The following COG4 variants were observed in gnomAD, a reference collection of about 807,000 sequenced individuals.
COG4 encodes the protein component of oligomeric golgi complex 4.
In COG4, 65 loss-of-function variants were observed where a neutral mutation model predicts 95.1. The ratio of observed to expected loss-of-function variants is 0.68; its 90% CI spans 0.56 to 0.84. The LOEUF is 0.84. Ranked by LOEUF, COG4 falls within the 40% of genes least tolerant of loss-of-function variation. The pLI, the probability that COG4 is intolerant of heterozygous loss-of-function variation, is 0.00. For synonymous variants in COG4, 421 were observed against 374.8 expected, an observed-to-expected ratio of 1.12 and a Z score of -1.42; for missense variants, 1,045 against 989.1, an observed-to-expected ratio of 1.06 and a Z score of -0.76.
chr16:70,510,888 C>T lies in COG4; in HGVS notation c.739-867G>A, dbSNP rs191582734. ...AAGCGATTCTCCTGTCTCAGCTTCC[C>T]GAGTGGTTGGGCTTACAGGCACCCG... On this transcript the variant is annotated intron_variant, in intron 5 of 18. Coordinates refer to ENST00000323786, the MANE Select transcript of COG4 (RefSeq NM_015386.3). Among the ~76,000 whole-genome samples, 50 of 151,610 alleles carry T rather than the reference C, an allele frequency of 3.3e-4. No homozygotes were observed. The East Asian group carries it at 8.2e-3, about 25-fold the overall frequency.
At chr16:70,508,926 A>G (rs911810695) in intron 7 of COG4, 7 of 541,582 alleles carry the variant, frequency 1.3e-5, no homozygotes, top group African/African-American at 5.7e-5. Flanking sequence ...AATTGTCATT[A>G]TATCATTAGA....
At chr16:70,521,833 C>G (rs1014442398) in intron 1 of COG4, among the ~76,000 whole-genome samples, 2 of 151,238 alleles carry the variant, frequency 1.3e-5, no homozygotes, top group Non-Finnish European at 1.5e-5. Flanking sequence ...TCCCGAGTAG[C>G]TGGGACTACA....
intron 3 of COG4, 93 bp from the exon 4 acceptor site, chr16:70,514,602 AC>A: frequency 9.7e-7 from 1 of 1,035,516 alleles, no homozygotes; most frequent in Non-Finnish European, 1.5e-6. Flanking sequence ...AATCTGATCA[AC>A]CATATGTCAA....
chr16:70,483,992 G>T (rs775550279), intron 13 of COG4, 23 bp from the exon 14 acceptor site: 1 of 1,561,386 alleles, frequency 6.4e-7, no homozygotes, highest in East Asian at 2.2e-5. Flanking sequence ...ACTGCTGTAA[G>T]ACCACCGAGC....
chr16:70,484,426 TC>T (rs557731610), intron 13 of COG4, among the ~76,000 whole-genome samples: 76 of 152,270 alleles, frequency 5.0e-4, no homozygotes, highest in Middle Eastern at 6.8e-3. Flanking sequence ...GTTCCTCCTT[TC>T]CCCCCCTTTT....
intron 13 of COG4, among the ~76,000 whole-genome samples, chr16:70,485,640 C>A (rs1030130167): frequency 6.8e-6 from 1 of 146,140 alleles, no homozygotes; most frequent in Non-Finnish European, 1.5e-5. Flanking sequence ...GGCTGGAGTG[C>A]AACGACATGA....
At chr16:70,484,397 A>G (rs988129272) in intron 13 of COG4, among the ~76,000 whole-genome samples, 3 of 152,216 alleles carry the variant, frequency 2.0e-5, no homozygotes, top group African/African-American at 2.4e-5. Flanking sequence ...CACAGGAGAC[A>G]CTAGCTATTA....
chr16:70,481,406 TGTCTC>T lies in COG4; in HGVS notation c.2183_2187del (p.Arg728GlnfsTer39), dbSNP rs1417814966. ...GCCATCTGGGAGAGCCGGGCAAACT[TGTCTC>T]GGATGGTCCAGGTGGTCACCGTGGT... On this transcript the variant is annotated frameshift_variant, in exon 18 of 19. Transcript: ENST00000323786. LOFTEE classifies it high-confidence loss of function. 2.5e-6 allele frequency: 4 copies of T among 1,613,208 alleles called. No individual in the cohort carries two copies. Among genetic ancestry groups the T allele is most frequent in the Non-Finnish European group, 1.7e-6 (2 of 1,179,964 alleles).
At chr16:70,496,517 G>T (rs1241090539) in intron 11 of COG4, 86 bp from the exon 12 acceptor site, 3 of 1,344,578 alleles carry the variant, frequency 2.2e-6, no homozygotes, top group Non-Finnish European at 3.2e-6. Context: ...CTCTGACCCA[G>T]CAGCACAAGG....
intron 9 of COG4, among the ~76,000 whole-genome samples, chr16:70,499,406 A>G (rs1057512225): frequency 1.3e-5 from 2 of 152,212 alleles, no homozygotes; most frequent in African/African-American, 4.8e-5. Flanking sequence ...ATGAGCACAC[A>G]ATTTCCTTTA....
chr16:70,508,471 C>T lies in COG4; in HGVS notation c.1003-7G>A. On this transcript the variant is annotated splice_polypyrimidine_tract_variant and splice_region_variant and intron_variant, in intron 7 of 18. Coordinates refer to ENST00000323786, the MANE Select transcript of COG4 (RefSeq NM_015386.3). ...TGTTCTGAACATGCCGGAACTGCAA[C>T]ATACCACAGGAATGAGAATATTCTT... The T allele has an allele frequency of 1.2e-6, 2 of 1,613,634 alleles. No individual in the cohort carries two copies. Among genetic ancestry groups the T allele is most frequent in the Admixed American group, 3.3e-5 (2 of 60,026 alleles).
At chr16:70,484,015 T>C (rs778725716) in intron 13 of COG4, 46 bp from the exon 14 acceptor site, 2 of 1,417,466 alleles carry the variant, frequency 1.4e-6, no homozygotes, top group Admixed American at 3.3e-5. Context: ...GCGTGGGCCA[T>C]GGGAGTGTGA....
chr16:70,499,754 G>A (rs1027178886), intron 9 of COG4, among the ~76,000 whole-genome samples: 1 of 151,966 alleles, frequency 6.6e-6, no homozygotes, highest in Non-Finnish European at 1.5e-5. Context: ...CCGCCTCCCG[G>A]GTTCACGCCA....
intron 8 of COG4, among the ~76,000 whole-genome samples, chr16:70,503,616 A>G (rs2049498383): frequency 9.2e-6 from 1 of 109,084 alleles, no homozygotes; most frequent in East Asian, 2.1e-4. Context: ...TTTTTTTGAG[A>G]CGGAGTCTCA....
intron 12 of COG4, among the ~76,000 whole-genome samples, chr16:70,494,933 T>C (rs1482258245): frequency 6.6e-6 from 1 of 152,160 alleles, no homozygotes; most frequent in African/African-American, 2.4e-5. Context: ...ATATTTTCTA[T>C]GACAGGAAGA....
chr16:70,510,132 C>G, intron 5 of COG4, 111 bp from the exon 6 acceptor site: 1 of 863,480 alleles, frequency 1.2e-6, no homozygotes, highest in Admixed American at 2.0e-5. Flanking sequence ...TCACATTTCC[C>G]TTGATGTCTG....
In COG4 at chr16:70,497,238, C is replaced by A. The variant is rs2151749287; in HGVS notation, c.1464G>T (p.Glu488Asp). ...AACTGTACCTGAAGTCAGACTCCAGCTCTGTGGTGGCGAGGTTGATCATGG... is the reference window on the plus strand; with the variant it reads ...AACTGTACCTGAAGTCAGACTCCAGATCTGTGGTGGCGAGGTTGATCATGG... ...LCAMINLATT[E>D]LESDFRDVLC... Residue 488 changes from glutamate to aspartate, a missense_variant, in exon 11 of 19, where the codon GAG becomes GAT. Coordinates refer to ENST00000323786, the MANE Select transcript of COG4 (RefSeq NM_015386.3). 2 of 1,614,138 alleles carry A rather than the reference C, an allele frequency of 1.2e-6. No homozygotes were observed. The highest frequency in any genetic ancestry group is 3.3e-5 in the Admixed American group (2 of 60,010).
At chr16:70,496,230 T>A (rs2049336075) in intron 12 of COG4, 36 bp downstream of exon 12, 1 of 1,613,532 alleles carries the variant, frequency 6.2e-7, no homozygotes. Flanking sequence ...CCTCTCGAGA[T>A]AAACCAACCC....
chr16:70,510,189 C>T (rs1286082247), intron 5 of COG4, among the ~76,000 whole-genome samples, 168 bp from the exon 6 acceptor site: 5 of 152,200 alleles, frequency 3.3e-5, no homozygotes, highest in Non-Finnish European at 7.3e-5. Flanking sequence ...ACAGTCTGAG[C>T]CTCAGGCAGG....
Sources: gnomAD v4.1 joint callset for allele counts (sites outside exome capture counted in the v4.1 genomes callset) on GRCh38, gnomAD v4.1.1 for gene constraint, MANE v1.5 for transcripts, NCBI Gene and HGNC (gene_info 2026-07-23, HGNC 2026-07-21) for gene names.